LRRC4C: variants seen among roughly 807,000 people sequenced by gnomAD.
The protein encoded by LRRC4C is leucine rich repeat containing 4C, also known as leucine-rich repeat-containing protein 4C.
Under a neutral mutation model 33.6 loss-of-function variants are expected in LRRC4C, and 5 were observed. The observed-to-expected ratio is 0.15, with a 90% CI of 0.08 to 0.31. The LOEUF is 0.31. LRRC4C is among the 10% of genes least tolerant of loss of function. LRRC4C has a pLI of 1.00. For synonymous variants in LRRC4C, 329 were observed against 302.0 expected, an observed-to-expected ratio of 1.09 and a Z score of -0.93; for missense variants, 560 against 796.7, an observed-to-expected ratio of 0.70 and a Z score of 3.58.
intron 2 of LRRC4C, among the ~76,000 whole-genome samples, chr11:40,686,711 A>G (rs1944974896): frequency 1.3e-5 from 2 of 152,148 alleles, no homozygotes; most frequent in African/African-American, 2.4e-5. Flanking sequence ...TTCATCTTAC[A>G]AGAGCAGTGT....
intron 3 of LRRC4C, among the ~76,000 whole-genome samples, chr11:40,560,158 C>G (rs1957491575): frequency 6.6e-6 from 1 of 152,088 alleles, no homozygotes; most frequent in South Asian, 2.1e-4. Context: ...GTTTAGGTGT[C>G]TATAAACACT....
Position 40,162,288 on chromosome 11 carries a change from G to A in LRRC4C, c.-95-21435C>T, listed in dbSNP as rs189553417. Among the ~76,000 whole-genome samples the A allele has an allele frequency of 3.0e-4, 46 of 152,154 alleles. No homozygotes were observed. In the East Asian group the frequency reaches 7.0e-3, roughly 23 times the overall value. ...GCTCATAGGCATCACAGCTGCAAAC[G>A]CTCAAACATTTTGGCATTTTTCTTT... On this transcript the variant is annotated intron_variant, in intron 5 of 6. Coordinates refer to ENST00000528697, the MANE Select transcript of LRRC4C (RefSeq NM_001258419.2).
chr11:41,406,872 A>G (rs1002268027), intron 1 of LRRC4C, among the ~76,000 whole-genome samples: 1 of 152,066 alleles, frequency 6.6e-6, no homozygotes, highest in African/African-American at 2.4e-5. Context: ...TCTGATAAAA[A>G]CCATCTGATT....
intron 1 of LRRC4C, among the ~76,000 whole-genome samples, chr11:41,109,200 T>C (rs2135686643): frequency 6.6e-6 from 1 of 152,196 alleles, no homozygotes; most frequent in East Asian, 1.9e-4. Context: ...TACCCTGTAC[T>C]TTTCTACTAT....
chr11:41,292,438 G>A (rs939225438), intron 1 of LRRC4C, among the ~76,000 whole-genome samples: 1 of 152,004 alleles, frequency 6.6e-6, no homozygotes, highest in African/African-American at 2.4e-5. Context: ...AAGCCATTGA[G>A]ATTTTGGAAT....
At chr11:40,392,685 GA>G (rs1012453017) in intron 3 of LRRC4C, among the ~76,000 whole-genome samples, 3 of 151,406 alleles carry the variant, frequency 2.0e-5, no homozygotes, top group Non-Finnish European at 3.0e-5. Context: ...TTAAGTACTA[GA>G]AAAAAAATGT....
chr11:40,559,799 T>C (rs1957476255), intron 3 of LRRC4C, among the ~76,000 whole-genome samples: 1 of 152,150 alleles, frequency 6.6e-6, no homozygotes, highest in Non-Finnish European at 1.5e-5. Context: ...GAGGTTTTGG[T>C]TTGCATTTCT....
intron 3 of LRRC4C, among the ~76,000 whole-genome samples, chr11:40,371,394 A>G (rs1948443026): frequency 6.6e-6 from 1 of 152,172 alleles, no homozygotes; most frequent in Non-Finnish European, 1.5e-5. Context: ...GGAAGACAAT[A>G]TTTCCTTCAG....
intron 1 of LRRC4C, among the ~76,000 whole-genome samples, chr11:41,443,614 C>CTCTCTCTTTCTT (rs1955725484): frequency 7.0e-6 from 1 of 143,400 alleles, no homozygotes; most frequent in Non-Finnish European, 1.5e-5. Context: ...TTCTTTTCTT[C>CTCTCTCTTTCTT]TTCTTCTTCT....
At chr11:41,207,150 C>G (rs1196694838) in intron 1 of LRRC4C, among the ~76,000 whole-genome samples, 1 of 152,008 alleles carries the variant, frequency 6.6e-6, no homozygotes, top group African/African-American at 2.4e-5. Flanking sequence ...GTCAAAGGAG[C>G]CTAAAGGACT....
intron 2 of LRRC4C, among the ~76,000 whole-genome samples, chr11:40,869,640 A>G (rs1339908692): frequency 1.3e-5 from 2 of 152,118 alleles, no homozygotes; most frequent in Non-Finnish European, 2.9e-5. Context: ...GCGTGTTTAC[A>G]GCGTCAGTAA....
At chr11:41,117,072 C>A (rs1942170696) in intron 1 of LRRC4C, among the ~76,000 whole-genome samples, 1 of 152,090 alleles carries the variant, frequency 6.6e-6, no homozygotes, top group Non-Finnish European at 1.5e-5. Flanking sequence ...CACTGGCAGC[C>A]CAGTGTTAGC....
intron 5 of LRRC4C, among the ~76,000 whole-genome samples, chr11:40,194,090 T>G (rs1035884262): frequency 4.6e-5 from 7 of 152,046 alleles, no homozygotes; most frequent in African/African-American, 7.3e-5. Context: ...ACATTCAAAT[T>G]CAGGAAATAC....
chr11:40,923,391 A>T (rs10837526), intron 2 of LRRC4C, among the ~76,000 whole-genome samples: 1 of 152,172 alleles, frequency 6.6e-6, no homozygotes, highest in Non-Finnish European at 1.5e-5. Flanking sequence ...TCTACTTTCC[A>T]ATTATTTTGA....
chr11:40,813,037 T>C (rs1404656479), intron 2 of LRRC4C, among the ~76,000 whole-genome samples: 1 of 152,224 alleles, frequency 6.6e-6, no homozygotes, highest in African/African-American at 2.4e-5. Context: ...AATTCCCCAA[T>C]TTTCTTAAGA....
chr11:40,815,685 T>C (rs1951679704), intron 2 of LRRC4C, among the ~76,000 whole-genome samples: 1 of 152,132 alleles, frequency 6.6e-6, no homozygotes, highest in Non-Finnish European at 1.5e-5. Context: ...CTCATTAAAA[T>C]TGACTCCTGT....
chr11:40,178,141 T>C (rs1860670769), intron 5 of LRRC4C, among the ~76,000 whole-genome samples: 2 of 152,210 alleles, frequency 1.3e-5, no homozygotes, highest in Admixed American at 1.3e-4. Context: ...CACGACATCT[T>C]ATTGCCATCT....
At position 40,115,009 on chromosome 11, in the gene LRRC4C, C is replaced by T; in HGVS notation, c.1284G>A (p.Val428=). Residue 428 remains valine, a synonymous_variant, in exon 7 of 7, where the codon GTG becomes GTA. Transcript: ENST00000528697. This position sits in a 1 kb window ranked among gnomAD's most constrained non-coding sequence, Gnocchi z 6.7. ...CAGTAGTATTCCCAACGGAATTACT[C>T]ACCATACATGTGTACATGCCTGTAT... The part of the protein sequence containing the change: ...VQDTGMYTCM[V]SNSVGNTTAS... 1 of 1,614,216 alleles carries T rather than the reference C, an allele frequency of 6.2e-7. No homozygotes were observed. Among genetic ancestry groups the T allele is most frequent in the Non-Finnish European group, 8.5e-7 (1 of 1,180,024 alleles).
chr11:40,808,749 A>C (rs1372239919), intron 2 of LRRC4C, among the ~76,000 whole-genome samples: 1 of 152,056 alleles, frequency 6.6e-6, no homozygotes, highest in Non-Finnish European at 1.5e-5. Context: ...TCTTCTCATC[A>C]AATTTCCAAA....
Sources: allele counts gnomAD v4.1 joint callset (sites outside exome capture counted in the v4.1 genomes callset), GRCh38; gene constraint gnomAD v4.1.1; non-coding constraint Gnocchi (gnomAD v3.1); transcripts MANE v1.5; gene names NCBI Gene and HGNC (gene_info 2026-07-23, HGNC 2026-07-21).